The following AP3B1 variants were observed in gnomAD, a reference collection of about 807,000 sequenced individuals.
The protein encoded by AP3B1 is AP-3 complex subunit beta-1.
In AP3B1, 61 loss-of-function variants were observed where a neutral mutation model predicts 132.5. That is an observed-to-expected ratio of 0.46 (90% CI 0.37 to 0.57). The LOEUF (loss-of-function observed/expected upper bound fraction) is 0.57, where lower values mean the gene tolerates loss of function less well. Ranked by LOEUF, AP3B1 falls within the 20% of genes least tolerant of loss-of-function variation. The pLI, the probability that AP3B1 is intolerant of heterozygous loss-of-function variation, is 0.00. For missense variants in AP3B1, 1,120 were observed against 1,289.4 expected, an observed-to-expected ratio of 0.87 and a Z score of 2.01; for synonymous variants, 388 against 438.3, an observed-to-expected ratio of 0.89 and a Z score of 1.43.
At chr5:78,285,705 A>G (rs1749248495) in intron 1 of AP3B1, among the ~76,000 whole-genome samples, 1 of 152,142 alleles carries the variant, frequency 6.6e-6, no homozygotes, top group South Asian at 2.1e-4. Context: ...TCTTCATTTT[A>G]GTTGACAGCT....
intron 14 of AP3B1, among the ~76,000 whole-genome samples, chr5:78,152,301 C>G (rs998067475): frequency 6.6e-6 from 1 of 151,790 alleles, no homozygotes; most frequent in Non-Finnish European, 1.5e-5. Context: ...GTGAAGCCAT[C>G]GGATCCTGGG....
intron 15 of AP3B1, among the ~76,000 whole-genome samples, chr5:78,137,934 T>A (rs1752984661): frequency 1.3e-5 from 2 of 152,082 alleles, no homozygotes; most frequent in Non-Finnish European, 2.9e-5. Flanking sequence ...ACTGAGGTAT[T>A]TAGGCCACCG....
intron 22 of AP3B1, among the ~76,000 whole-genome samples, chr5:78,050,111 T>G (rs982134025): frequency 6.6e-6 from 1 of 152,152 alleles, no homozygotes; most frequent in Non-Finnish European, 1.5e-5. Context: ...GGTTATTCCC[T>G]GGGACCCTCT....
chr5:78,292,120 A>C (rs1310923048), intron 1 of AP3B1, among the ~76,000 whole-genome samples: 1 of 152,176 alleles, frequency 6.6e-6, no homozygotes, highest in Non-Finnish European at 1.5e-5. Flanking sequence ...ACTTGAAACT[A>C]TTTCATCAGA....
At chr5:78,021,206 A>C in intron 24 of AP3B1, among the ~76,000 whole-genome samples, 1 of 152,076 alleles carries the variant, frequency 6.6e-6, no homozygotes, top group Non-Finnish European at 1.5e-5. Context: ...TATCTTTTTA[A>C]AAATATTAGT....
At chr5:78,083,868 T>A (rs1390573523) in intron 22 of AP3B1, among the ~76,000 whole-genome samples, 1 of 152,194 alleles carries the variant, frequency 6.6e-6, no homozygotes, top group Non-Finnish European at 1.5e-5. Context: ...AAAAAGCAAT[T>A]GTTCTTTGGG....
In AP3B1 at chr5:78,045,719, T is replaced by C. The variant is rs560086566; in HGVS notation, c.2578-6445A>G. ...TGCTCAACATTGCAAATGGCGTTCT[T>C]GACTTCATATTTTATAGACAACAAT... On this transcript the variant is annotated intron_variant, in intron 22 of 26. Transcript: ENST00000255194. Among the ~76,000 whole-genome samples, 3 of 152,358 alleles carry C rather than the reference T, an allele frequency of 2.0e-5. 1 individual carries two copies. The highest frequency in any genetic ancestry group is 3.9e-4 in the East Asian group (2 of 5,188).
chr5:78,045,380 CA>C (rs71608139), intron 22 of AP3B1, among the ~76,000 whole-genome samples: 2,435 of 63,876 alleles, frequency 0.038, 46 homozygotes, highest in African/African-American at 0.12. Context: ...GGCTCTGTCT[CA>C]AAAAAAAAAA....
chr5:78,079,752 C>G (rs1477882032), intron 22 of AP3B1, among the ~76,000 whole-genome samples: 1 of 151,972 alleles, frequency 6.6e-6, no homozygotes, highest in Admixed American at 6.6e-5. Flanking sequence ...AAAACAAAAA[C>G]AAAATCCAAC....
intron 2 of AP3B1, among the ~76,000 whole-genome samples, chr5:78,248,732 A>G (rs6875278): frequency 0.018 from 2,815 of 152,232 alleles, 97 homozygotes; most frequent in African/African-American, 0.065. Flanking sequence ...GTCTATTAAC[A>G]TTTCATTAAA....
intron 20 of AP3B1, among the ~76,000 whole-genome samples, chr5:78,107,720 G>C (rs1751395655): frequency 6.6e-6 from 1 of 151,958 alleles, no homozygotes; most frequent in Non-Finnish European, 1.5e-5. Context: ...GAGGCTGTAG[G>C]TAAGGGAACA....
chr5:78,285,723 A>G (rs903542334), intron 1 of AP3B1, among the ~76,000 whole-genome samples: 3 of 152,174 alleles, frequency 2.0e-5, no homozygotes, highest in African/African-American at 7.2e-5. Flanking sequence ...GCTATTCCAA[A>G]CTTCGAGCTG....
intron 2 of AP3B1, among the ~76,000 whole-genome samples, chr5:78,243,487 C>T (rs1747235157): frequency 6.6e-6 from 1 of 152,232 alleles, no homozygotes; most frequent in African/African-American, 2.4e-5. Flanking sequence ...CTTAGGGATC[C>T]AACCATAACC....
At chr5:78,166,822 C>T (rs1471263035) in intron 11 of AP3B1, among the ~76,000 whole-genome samples, 1 of 152,182 alleles carries the variant, frequency 6.6e-6, no homozygotes, top group Non-Finnish European at 1.5e-5. Flanking sequence ...GGATCCTCAT[C>T]TCTCATCTTA....
intron 22 of AP3B1, chr5:78,043,579 C>A: frequency 2.1e-6 from 1 of 475,058 alleles, no homozygotes; most frequent in Non-Finnish European, 4.3e-6. Flanking sequence ...CTTCTAAGTA[C>A]TCTGTCTGGT....
chr5:78,265,548 T>C (rs1259144264), intron 2 of AP3B1, among the ~76,000 whole-genome samples: 1 of 152,324 alleles, frequency 6.6e-6, no homozygotes, highest in South Asian at 2.1e-4. Context: ...GAAGAATCTT[T>C]CGTATTCCTC....
At chr5:78,201,430 G>T (rs1341826808) in intron 7 of AP3B1, among the ~76,000 whole-genome samples, 5 of 152,018 alleles carry the variant, frequency 3.3e-5, no homozygotes, top group Non-Finnish European at 2.9e-5. Context: ...ATAAACTATG[G>T]AATATTCATA....
At chr5:78,036,049 A>C (rs1052629637) in intron 23 of AP3B1, among the ~76,000 whole-genome samples, 6 of 152,076 alleles carry the variant, frequency 3.9e-5, no homozygotes, top group Non-Finnish European at 8.8e-5. Flanking sequence ...GGCTTTCATG[A>C]TTTAGATCTC....
rs767498617 is a variant in AP3B1 at position 78,156,261 on chromosome 5, G to A, written c.1470C>T (p.Ile490=). 3.7e-6 allele frequency: 6 copies of A among 1,601,292 alleles called. No homozygotes were observed. Among genetic ancestry groups the A allele is most frequent in the Non-Finnish European group, 2.6e-6 (3 of 1,168,616 alleles). ...ACATCTCTTAATTGATACTCACAGT[G>A]ATACTGTCCAGGAGTTTGGCCATAT... is the stretch of plus-strand genomic sequence containing the variant. ...IKHMAKLLDS[I]TVPVARASIL... is the part of the protein sequence containing the mutation. Residue 490 remains isoleucine (I), a synonymous_variant, in exon 14 of 27, where the codon ATC becomes ATT. Transcript: ENST00000255194.
Sources: allele counts gnomAD v4.1 joint callset (sites outside exome capture counted in the v4.1 genomes callset), GRCh38; gene constraint gnomAD v4.1.1; transcripts MANE v1.5; gene names NCBI Gene and HGNC (gene_info 2026-07-23, HGNC 2026-07-21).